Variants in KDM4B observed in about 807,000 individuals in gnomAD.
KDM4B encodes the protein lysine demethylase 4B.
KDM4B carries 32 observed loss-of-function variants against 125.2 expected under a neutral mutation model. The observed-to-expected ratio is 0.26, with a 90% confidence interval of 0.19 to 0.34. The LOEUF (loss-of-function observed/expected upper bound fraction) is 0.34, where lower values mean the gene tolerates loss of function less well. KDM4B is among the 10% of genes least tolerant of loss of function. The pLI is 1.00. For missense variants in KDM4B, 1,190 were observed against 1,577.7 expected (o/e 0.75, Z 4.16); for synonymous variants, 721 against 677.9 (o/e 1.06, Z -0.99).
At chr19:5,049,275 C>G in intron 6 of KDM4B, among the ~76,000 whole-genome samples, 1 of 152,214 alleles carries the variant, frequency 6.6e-6, no homozygotes, top group Admixed American at 6.5e-5. Context: ...CACCTCTCCC[C>G]GAATGCCCCT....
At position 5,082,285 on chromosome 19, in the gene KDM4B, C is replaced by T. The variant is rs2038323092; in HGVS notation, c.781-82C>T. 5.8e-6 allele frequency: 9 copies of T among 1,555,154 alleles called. No homozygotes were observed. Among genetic ancestry groups the T allele is most frequent in the Non-Finnish European group, 7.9e-6 (9 of 1,140,330 alleles). On this transcript the variant is annotated intron_variant, in intron 8 of 22. Coordinates refer to ENST00000159111, the MANE Select transcript of KDM4B (RefSeq NM_015015.3). The surrounding 1 kb of genome is among the most constrained non-coding windows in gnomAD (Gnocchi z 5.4). ...TTGGCTCATAAGCCAGGCTCCCTGG[C>T]ACTTGCTGGGAAGTGCCCACGTCCC...
chr19:5,105,041 C>T (rs1043569174), intron 9 of KDM4B, among the ~76,000 whole-genome samples: 5 of 152,220 alleles, frequency 3.3e-5, no homozygotes, highest in Non-Finnish European at 1.5e-5. Context: ...CAGCAGGATC[C>T]AGGTCCCCAT....
At chr19:5,039,170 G>T (rs539334259) in intron 3 of KDM4B, among the ~76,000 whole-genome samples, 1 of 152,238 alleles carries the variant, frequency 6.6e-6, no homozygotes, top group Non-Finnish European at 1.5e-5. Context: ...TTACCAGGGC[G>T]CAGTGGCTCA....
At chr19:5,125,247 C>T (rs950059549) in intron 11 of KDM4B, among the ~76,000 whole-genome samples, 2 of 151,672 alleles carry the variant, frequency 1.3e-5, no homozygotes, top group Admixed American at 1.3e-4. Flanking sequence ...ACTGACGAGA[C>T]AGCCACACCC....
chr19:5,074,480 TTAA>T (rs2038040117), intron 7 of KDM4B: 1 of 152,228 alleles, frequency 6.6e-6, no homozygotes, highest in Non-Finnish European at 1.5e-5. Flanking sequence ...GGAGAGAGCA[TTAA>T]TGTGCTGGCG....
At chr19:5,015,005 A>G (rs2035849200) in intron 1 of KDM4B, among the ~76,000 whole-genome samples, 1 of 151,786 alleles carries the variant, frequency 6.6e-6, no homozygotes, top group Non-Finnish European at 1.5e-5. Context: ...AAAAAAAAAA[A>G]AAAAAGTACA....
At chr19:4,969,293 C>T (rs2034158332) in intron 1 of KDM4B, 63 bp downstream of exon 1, 1 of 146,552 alleles carries the variant, frequency 6.8e-6, no homozygotes. Flanking sequence ...ATGGCCGCCC[C>T]CGCGTCGCGG....
intron 2 of KDM4B, among the ~76,000 whole-genome samples, chr19:5,026,051 G>A (rs1032159074): frequency 2.0e-5 from 3 of 150,776 alleles, no homozygotes; most frequent in Non-Finnish European, 3.0e-5. Context: ...CCCAGCTAAT[G>A]TTTGTATTTT....
At chr19:5,060,878 C>T (rs1210080556) in intron 6 of KDM4B, among the ~76,000 whole-genome samples, 2 of 152,228 alleles carry the variant, frequency 1.3e-5, no homozygotes, top group Admixed American at 6.5e-5. Flanking sequence ...CATGACTTTG[C>T]GTTTTTGGCC....
chr19:4,980,753 T>C (rs2034609583), intron 1 of KDM4B, among the ~76,000 whole-genome samples: 1 of 152,092 alleles, frequency 6.6e-6, no homozygotes, highest in Admixed American at 6.6e-5. Flanking sequence ...CCTGGCTGCA[T>C]CCTATTCCCC....
At chr19:5,038,279 C>T (rs2036694164) in intron 3 of KDM4B, among the ~76,000 whole-genome samples, 1 of 152,208 alleles carries the variant, frequency 6.6e-6, no homozygotes. Context: ...CCAGAAGGCC[C>T]GTGGTGCCCA....
rs1231874798 is a variant in KDM4B at position 5,152,825 on chromosome 19, A to G, written c.*1314A>G. 6.6e-6 allele frequency: 1 copy of G among 152,248 alleles called. No individual in the cohort carries two copies. Among genetic ancestry groups the G allele is most frequent in the Non-Finnish European group, 1.5e-5 (1 of 68,092 alleles). 9.4% of individuals were successfully genotyped at this position (152,248 alleles called of 1,614,324 possible). On this transcript the variant is annotated 3_prime_UTR_variant, in exon 23 of 23. Transcript: ENST00000159111. Reference sequence around the variant, plus strand: ...AATTTGCTTATATTAAAAACAAAAAATGGCTGAGGCAGGAGTTTGGGACCA... The same window carrying G: ...AATTTGCTTATATTAAAAACAAAAAGTGGCTGAGGCAGGAGTTTGGGACCA...
At chr19:5,098,196 C>G (rs943909454) in intron 9 of KDM4B, among the ~76,000 whole-genome samples, 8 of 152,218 alleles carry the variant, frequency 5.3e-5, no homozygotes, top group Admixed American at 5.2e-4. Context: ...CCATTAACAG[C>G]AGGGGGGACT....
rs116532397 is a variant in KDM4B at position 5,090,851 on chromosome 19, C to G, written c.918+8347C>G. ...CCGATGGGGCATCTGGGAGCCCACA[C>G]CCTCCCTGCCCACCAGGTGTCTCCT... On this transcript the variant is annotated intron_variant, in intron 9 of 22. Transcript: ENST00000159111. Among the ~76,000 whole-genome samples the G allele has an allele frequency of 9.1e-3, 1,375 of 151,730 alleles. 27 individuals carry two copies. Among genetic ancestry groups the G allele is most frequent in the African/African-American group, 0.032 (1,321 of 41,384 alleles).
intron 1 of KDM4B, among the ~76,000 whole-genome samples, chr19:5,003,851 CT>C (rs2145445101): frequency 6.6e-6 from 1 of 152,246 alleles, no homozygotes; most frequent in South Asian, 2.1e-4. Context: ...GGGGAACCCC[CT>C]CTGTCCCCCA....
chr19:5,016,683 C>T (rs1406195423), intron 2 of KDM4B, among the ~76,000 whole-genome samples: 16 of 152,224 alleles, frequency 1.1e-4, no homozygotes, highest in Non-Finnish European at 1.5e-4. Context: ...TCTGCATCGG[C>T]CCTGGGGACA....
chr19:5,034,492 C>T (rs1225784858), intron 3 of KDM4B, among the ~76,000 whole-genome samples: 1 of 152,218 alleles, frequency 6.6e-6, no homozygotes, highest in African/African-American at 2.4e-5. Context: ...GTATTGTTTT[C>T]ACGTCTTCTG....
Position 4,969,140 on chromosome 19 carries a change from G to T in KDM4B, c.-199G>T, listed in dbSNP as rs1019025207. On this transcript the variant is annotated 5_prime_UTR_variant, in exon 1 of 23. Transcript: ENST00000159111. ...GGCTCGGTCGCCAGCAACCGAGCGG[G>T]GCCCGGCCCGAGCGGGGCCTGGGGG... The T allele has an allele frequency of 5.3e-5, 8 of 150,990 alleles. No homozygotes were observed. Among genetic ancestry groups the T allele is most frequent in the Non-Finnish European group, 1.2e-4 (8 of 67,722 alleles). 9.4% of individuals were successfully genotyped at this position (150,990 alleles called of 1,614,324 possible). A position where few individuals can be genotyped will look rare whatever the true frequency, so the allele number is the denominator to read the frequency against.
chr19:4,988,328 T>C (rs1186306029), intron 1 of KDM4B, among the ~76,000 whole-genome samples: 1 of 152,078 alleles, frequency 6.6e-6, no homozygotes, highest in East Asian at 1.9e-4. Context: ...CAGGCTGGAG[T>C]GCAGTGGTGC....
Sources: gnomAD v4.1 joint callset for allele counts (sites outside exome capture counted in the v4.1 genomes callset) on GRCh38, gnomAD v4.1.1 for gene constraint, Gnocchi (gnomAD v3.1) non-coding constraint, MANE v1.5 for transcripts, NCBI Gene and HGNC (gene_info 2026-07-23, HGNC 2026-07-21) for gene names.